PTCD1: variants seen among roughly 807,000 people sequenced by gnomAD.
PTCD1 encodes the protein pentatricopeptide repeat-containing protein 1, mitochondrial.
Under a neutral mutation model 53.4 loss-of-function variants are expected in PTCD1, and 50 were observed. The observed-to-expected ratio is 0.94, with a 90% confidence interval of 0.75 to 1.19. PTCD1 has a LOEUF of 1.19. Among genes scored for constraint, PTCD1 ranks in the 50% most tolerant of loss-of-function variants. The pLI is 0.00. For synonymous variants in PTCD1, 413 were observed against 394.8 expected, an observed-to-expected ratio of 1.05 and a Z score of -0.55; for missense variants, 918 against 904.8, an observed-to-expected ratio of 1.01 and a Z score of -0.19.
intron 3 of PTCD1, 68 bp from the exon 4 acceptor site, chr7:99,429,874 A>G: frequency 1.9e-6 from 3 of 1,592,632 alleles, no homozygotes; most frequent in Non-Finnish European, 2.6e-6. Flanking sequence ...CAGCTGCCCC[A>G]GAGGAGGCTG....
rs1051102470 is a variant in PTCD1 at position 99,419,644 on chromosome 7, G to A, written c.*323C>T. ...CCCACGTCTCTTCTTTCAGAGCATC[G>A]GCCTATGGAACCCGGCGGGGCGGCC... On this transcript the variant is annotated 3_prime_UTR_variant, in exon 8 of 8. Transcript: ENST00000292478. The A allele has an allele frequency of 2.0e-5, 15 of 766,906 alleles. No homozygotes were observed. Among genetic ancestry groups the A allele is most frequent in the South Asian group, 5.5e-5 (3 of 54,182 alleles). 47.5% of individuals were successfully genotyped at this position (766,906 alleles called of 1,614,324 possible).
intron 5 of PTCD1, among the ~76,000 whole-genome samples, chr7:99,426,322 T>A (rs573578638): frequency 1.3e-5 from 2 of 152,298 alleles, no homozygotes; most frequent in Admixed American, 1.3e-4. Context: ...GCCGAGTACC[T>A]GCGATTGCAG....
chr7:99,420,098 A>G lies in PTCD1; in HGVS notation c.1972T>C (p.Tyr658His), dbSNP rs1008086311. 4 of 1,614,146 alleles carry G rather than the reference A, an allele frequency of 2.5e-6. No homozygotes were observed. The part of the protein sequence containing the change: ...LEKIDGFRAY[Y>H]KQWLTVMPAE... ...GGCATCACTGTCAGCCACTGCTTGT[A>G]ATAGGCTCGGAAGCCGTCAATCTTC... Residue 658 changes from tyrosine (Y) to histidine (H), a missense_variant, in exon 8 of 8, where the codon TAC (tyrosine) becomes CAC (histidine). Physicochemically the swap from Tyr to His is moderately conservative, Grantham distance 83 (BLOSUM62 2). Transcript: ENST00000292478.
chr7:99,438,597 C>A (rs892281001), intron 1 of PTCD1, 95 bp downstream of exon 1: 219 of 1,146,360 alleles, frequency 1.9e-4, no homozygotes, highest in Non-Finnish European at 2.2e-4. Context: ...TCCTCAGACG[C>A]CCCCGGCTCC....
At chr7:99,423,051 G>T (rs149164666) in intron 7 of PTCD1, among the ~76,000 whole-genome samples, 209 of 146,476 alleles carry the variant, frequency 1.4e-3, no homozygotes, top group African/African-American at 4.9e-3. Context: ...TCTTTCTTTC[G>T]CCTATTAAAC....
Position 99,417,830 on chromosome 7 carries a change from T to G in PTCD1, c.*2137A>C, listed in dbSNP as rs1226026800. 9.5e-6 allele frequency: 14 copies of G among 1,476,588 alleles called. No individual in the cohort carries two copies. The highest frequency in any genetic ancestry group is 1.2e-5 in the Non-Finnish European group (13 of 1,115,632). 91.5% of individuals were successfully genotyped at this position (1,476,588 alleles called of 1,614,324 possible). ...TCAACTCCACTTTTGGGCAAATTAC[T>G]GAACCCCTTTCCTCACTTAGGAAAT... On this transcript the variant is annotated 3_prime_UTR_variant, in exon 8 of 8. Transcript: ENST00000292478.
chr7:99,434,854 C>T lies in PTCD1; in HGVS notation c.389G>A (p.Arg130Gln), dbSNP rs534734137. ...EQMEPEPKLW[R>Q]GRRNTPYWYF... ...CCAGTACGGGGTGTTTCTCCGGCCT[C>T]GCCATAATTTGGGCTCCGGTTCCAT... is the stretch of plus-strand genomic sequence containing the variant. The change falls in exon 2 of 8, where the codon CGA (arginine) becomes CAA (glutamine). Residue 130 changes from arginine to glutamine, a missense_variant. By Grantham distance (43) the Arg-to-Gln change is conservative. Coordinates refer to ENST00000292478, the MANE Select transcript of PTCD1 (RefSeq NM_015545.4). 8.1e-6 allele frequency: 13 copies of T among 1,614,150 alleles called. No individual in the cohort carries two copies. The highest frequency in any genetic ancestry group is 2.7e-5 in the African/African-American group (2 of 75,024).
rs1795586275 is a variant in PTCD1, at chr7:99,417,759, T to C, written c.*2208A>G. 5 of 1,533,712 alleles carry C rather than the reference T, an allele frequency of 3.3e-6. No individual in the cohort carries two copies. Among genetic ancestry groups the C allele is most frequent in the African/African-American group, 1.4e-5 (1 of 72,974 alleles). ...GTGGGTCCCTGTATTCAGGAATCCA[T>C]GTGAGGCAGCGTGTGGCTGTGTGTT... On this transcript the variant is annotated 3_prime_UTR_variant, in exon 8 of 8. Coordinates refer to ENST00000292478, the MANE Select transcript of PTCD1 (RefSeq NM_015545.4).
At chr7:99,420,994 TTC>T (rs1260703974) in intron 7 of PTCD1, among the ~76,000 whole-genome samples, 10 of 151,470 alleles carry the variant, frequency 6.6e-5, no homozygotes, top group African/African-American at 2.4e-4. Context: ...GACTGGACAA[TTC>T]TAAACCTTAA....
chr7:99,424,773 G>T, intron 6 of PTCD1, 22 bp downstream of exon 6: 1 of 1,613,452 alleles, frequency 6.2e-7, no homozygotes, highest in Non-Finnish European at 8.5e-7. Flanking sequence ...TGGGTGTCCT[G>T]CCCAGGCCCG....
chr7:99,427,398 G>C (rs1796088288), intron 5 of PTCD1, among the ~76,000 whole-genome samples: 1 of 149,892 alleles, frequency 6.7e-6, no homozygotes, highest in Non-Finnish European at 1.5e-5. Flanking sequence ...TCCGGGAGGT[G>C]AGGGGCGCCT....
rs141116228 is a variant in PTCD1 at position 99,432,537 on chromosome 7, G to A, written c.594+741C>T. Among the ~76,000 whole-genome samples, 18 of 152,298 alleles carry A rather than the reference G, an allele frequency of 1.2e-4. No homozygotes were observed. The East Asian group carries it at 3.3e-3, about 28-fold the overall frequency. ...CCACATCCCCCTCTCCGAGATGGTA[G>A]AGATAGTGATCAATAAATACTGAGG... On this transcript the variant is annotated intron_variant, in intron 3 of 7. Transcript: ENST00000292478.
chr7:99,429,016 G>A, intron 5 of PTCD1, 87 bp downstream of exon 5: 3 of 1,453,590 alleles, frequency 2.1e-6, no homozygotes, highest in Non-Finnish European at 1.9e-6. Flanking sequence ...ACTCAGCACA[G>A]GGCCATCGTG....
At chr7:99,434,730 A>C in intron 2 of PTCD1, 60 bp downstream of exon 2, 1 of 1,608,858 alleles carries the variant, frequency 6.2e-7, no homozygotes, top group Non-Finnish European at 8.5e-7. Flanking sequence ...GACCCCTTGC[A>C]AAACACTGAG....
In PTCD1 at chr7:99,419,596, T is replaced by C. The variant is rs777703155; in HGVS notation, c.*371A>G. On this transcript the variant is annotated 3_prime_UTR_variant, in exon 8 of 8. Coordinates refer to ENST00000292478, the MANE Select transcript of PTCD1 (RefSeq NM_015545.4). ...GTCTATCAGCTGTGATTTGTAAAAA[T>C]AAAATCTTTAAATCTCTCGAGCCCC... The C allele has an allele frequency of 4.6e-5, 41 of 891,204 alleles. No individual in the cohort carries two copies. The highest frequency in any genetic ancestry group is 6.8e-5 in the Non-Finnish European group (40 of 589,692). 55.2% of individuals were successfully genotyped at this position (891,204 alleles called of 1,614,324 possible). A position where few individuals can be genotyped will look rare whatever the true frequency, so the allele number is the denominator to read the frequency against.
At chr7:99,432,636 C>A (rs1220002451) in intron 3 of PTCD1, among the ~76,000 whole-genome samples, 1 of 152,304 alleles carries the variant, frequency 6.6e-6, no homozygotes, top group East Asian at 1.9e-4. Flanking sequence ...GGATGCTGAG[C>A]GTATGCTGAG....
At position 99,424,864 on chromosome 7, in the gene PTCD1, C is replaced by A. The variant is rs930398188; in HGVS notation, c.1668G>T (p.Gln556His). Residue 556 changes from glutamine (Q) to histidine (H), a missense_variant, in exon 6 of 8, where the codon CAG becomes CAT. Transcript: ENST00000292478. ...ACCCGATGGCCAGGTTGCAGAATGT[C>A]TGCAGGTTGGGGACGAGGCCCCTCT... is the stretch of plus-strand genomic sequence containing the variant. ...LAKRGLVPNL[Q>H]TFCNLAIGCH... 1.2e-6 allele frequency: 2 copies of A among 1,614,266 alleles called. No homozygotes were observed. Among genetic ancestry groups the A allele is most frequent in the Admixed American group, 3.3e-5 (2 of 60,024 alleles).
intron 3 of PTCD1, among the ~76,000 whole-genome samples, chr7:99,430,102 C>T (rs771649291): frequency 2.2e-4 from 34 of 152,226 alleles, no homozygotes; most frequent in Admixed American, 2.6e-4. Context: ...CCTGATGTCC[C>T]CACCTTCAGG....
rs1795961547 is a variant in PTCD1, at chr7:99,424,986, C to G, written c.1546G>C (p.Val516Leu). 1.2e-6 allele frequency: 2 copies of G among 1,614,114 alleles called. No individual in the cohort carries two copies. The highest frequency in any genetic ancestry group is 1.3e-5 in the African/African-American group (1 of 74,940). The change falls in exon 6 of 8, where the codon GTA (valine) becomes CTA (leucine). Residue 516 changes from valine to leucine, a missense_variant. Val to Leu is a conservative substitution (Grantham distance 32, BLOSUM62 1). Coordinates refer to ENST00000292478, the MANE Select transcript of PTCD1 (RefSeq NM_015545.4). ...TTAAAGAATGTCAGGTCGGCCTCTA[C>G]CTGGTGCTCATCCAGGAGGGCCAGC... ...LLLALLDEHQ[V>L]EADLTFFNTL...
Sources: gnomAD v4.1 joint callset for allele counts (sites outside exome capture counted in the v4.1 genomes callset) on GRCh38, gnomAD v4.1.1 for gene constraint, MANE v1.5 for transcripts, NCBI Gene and HGNC (gene_info 2026-07-23, HGNC 2026-07-21) for gene names.